Variants in RBMS3 observed in about 807,000 individuals in gnomAD.
The protein encoded by RBMS3 is RNA binding motif single stranded interacting protein 3, also known as RNA-binding motif, single-stranded-interacting protein 3.
RBMS3 carries 27 observed loss-of-function variants against 66.8 expected under a neutral mutation model. The ratio of observed to expected loss-of-function variants is 0.40; its 90% CI spans 0.30 to 0.56. RBMS3 has a LOEUF of 0.56. Ranked by LOEUF, RBMS3 falls within the 20% of genes least tolerant of loss-of-function variation. The pLI, the probability that RBMS3 is intolerant of heterozygous loss-of-function variation, is 0.40. For synonymous variants in RBMS3, 188 were observed against 183.0 expected (o/e 1.03, Z -0.22); for missense variants, 513 against 549.5 (o/e 0.93, Z 0.66).
chr3:29,990,863 C>T (rs1012395261), intron 13 of RBMS3, among the ~76,000 whole-genome samples: 14 of 152,146 alleles, frequency 9.2e-5, no homozygotes, highest in African/African-American at 3.1e-4. Flanking sequence ...ACTACTCCAA[C>T]AACTTCTAAT....
At chr3:29,744,780 T>C (rs2054807229) in intron 5 of RBMS3, among the ~76,000 whole-genome samples, 1 of 114,838 alleles carries the variant, frequency 8.7e-6, no homozygotes, top group Admixed American at 8.3e-5. Context: ...TAAGACTCCG[T>C]CTCGGAAAAA....
chr3:29,709,660 C>T lies in RBMS3; in HGVS notation c.400-30060C>T, dbSNP rs2053070199. On this transcript the variant is annotated intron_variant, in intron 4 of 14. Transcript: ENST00000383767. The stretch of plus-strand genomic sequence containing the variant: ...GGAGGGCAGTGGTGTCCAATATAAA[C>T]AAAAACAATGATTTATCCAGAATCT... 2.0e-5 allele frequency among the ~76,000 whole-genome samples: 3 copies of T among 152,144 alleles called. No homozygotes were observed. The South Asian group carries it at 6.2e-4, about 32-fold the overall frequency.
intron 1 of RBMS3, among the ~76,000 whole-genome samples, chr3:29,294,933 A>G (rs2033120482): frequency 6.6e-6 from 1 of 151,706 alleles, no homozygotes; most frequent in South Asian, 2.1e-4. Flanking sequence ...AGAATTTTGA[A>G]AAGACTTCAA....
Position 29,752,019 on chromosome 3 carries a change from T to A in RBMS3, c.558-10891T>A, listed in dbSNP as rs1053486655. Among the ~76,000 whole-genome samples the A allele has an allele frequency of 5.3e-5, 8 of 152,176 alleles. 1 individual carries two copies. Among genetic ancestry groups the A allele is most frequent in the Admixed American group, 3.9e-4 (6 of 15,278 alleles). The stretch of plus-strand genomic sequence containing the variant: ...GTTTAACAGCTCAATGGGGAGTTAG[T>A]GTGACAGCCTCTTCCCCCTCACCTC... On this transcript the variant is annotated intron_variant, in intron 5 of 14. Coordinates refer to ENST00000383767, the MANE Select transcript of RBMS3 (RefSeq NM_001003793.3).
At chr3:29,705,267 G>T (rs2052830792) in intron 4 of RBMS3, among the ~76,000 whole-genome samples, 1 of 152,136 alleles carries the variant, frequency 6.6e-6, no homozygotes, top group Admixed American at 6.5e-5. Flanking sequence ...TAACTTTTAT[G>T]CAGAAAAATG....
chr3:29,845,280 A>G (rs1202768301), intron 6 of RBMS3, among the ~76,000 whole-genome samples: 1 of 152,220 alleles, frequency 6.6e-6, no homozygotes, highest in Non-Finnish European at 1.5e-5. Context: ...GTCTGCCACT[A>G]ACTCCATGAC....
chr3:29,413,800 AAAGTTAT>A (rs2040372255), intron 1 of RBMS3, among the ~76,000 whole-genome samples: 1 of 152,220 alleles, frequency 6.6e-6, no homozygotes, highest in Non-Finnish European at 1.5e-5. Flanking sequence ...ATGTTGTATC[AAAGTTAT>A]AAATAACTGA....
intron 10 of RBMS3, chr3:29,934,102 A>G (rs876051): frequency 6.6e-6 from 1 of 152,066 alleles, no homozygotes; most frequent in African/African-American, 2.4e-5. Flanking sequence ...TTTGGTTTTT[A>G]TCTCTGATTT....
At chr3:29,398,897 GT>G (rs1435840321) in intron 1 of RBMS3, among the ~76,000 whole-genome samples, 1 of 152,152 alleles carries the variant, frequency 6.6e-6, no homozygotes, top group African/African-American at 2.4e-5. Context: ...AGGACGATTG[GT>G]TTTGTTTTTA....
chr3:29,982,483 C>A (rs1353605565), intron 12 of RBMS3, among the ~76,000 whole-genome samples: 1 of 152,022 alleles, frequency 6.6e-6, no homozygotes. Flanking sequence ...GCTCTTGCTT[C>A]TCTAGTTCTT....
At chr3:29,754,338 A>G (rs988677011) in intron 5 of RBMS3, among the ~76,000 whole-genome samples, 4 of 152,238 alleles carry the variant, frequency 2.6e-5, no homozygotes, top group Admixed American at 2.0e-4. Flanking sequence ...CAATCAGCAG[A>G]GACTCTAGAG....
chr3:29,827,294 T>G (rs545752589), intron 6 of RBMS3, among the ~76,000 whole-genome samples: 1 of 152,312 alleles, frequency 6.6e-6, no homozygotes, highest in South Asian at 2.1e-4. Flanking sequence ...GAAATAATTT[T>G]CAGCAAAGAC....
intron 2 of RBMS3, among the ~76,000 whole-genome samples, chr3:29,456,883 T>C (rs2042209726): frequency 6.6e-6 from 1 of 152,144 alleles, no homozygotes; most frequent in South Asian, 2.1e-4. Flanking sequence ...TATAACTAAC[T>C]TTTACACAAG....
chr3:29,879,848 C>T (rs1052846075), intron 7 of RBMS3, among the ~76,000 whole-genome samples: 1 of 151,930 alleles, frequency 6.6e-6, no homozygotes, highest in African/African-American at 2.4e-5. Context: ...TTGTTACAGT[C>T]AATGATTCTC....
chr3:29,942,321 C>A (rs2061411046), intron 11 of RBMS3, among the ~76,000 whole-genome samples: 1 of 151,566 alleles, frequency 6.6e-6, no homozygotes, highest in South Asian at 2.1e-4. Context: ...GAGTTGGAGA[C>A]CAGCCTAGAT....
chr3:29,538,977 A>G (rs1007234807), intron 3 of RBMS3, among the ~76,000 whole-genome samples: 1 of 152,224 alleles, frequency 6.6e-6, no homozygotes, highest in Non-Finnish European at 1.5e-5. Flanking sequence ...TAAAGATGAA[A>G]TAACCCCATT....
chr3:29,654,503 G>GAAT (rs2050252276), intron 4 of RBMS3, among the ~76,000 whole-genome samples: 2 of 147,918 alleles, frequency 1.4e-5, no homozygotes, highest in South Asian at 4.4e-4. Flanking sequence ...AGAGAAGCCA[G>GAAT]AATACATGAA....
At chr3:29,931,771 C>T (rs542607403) in intron 10 of RBMS3, among the ~76,000 whole-genome samples, 5 of 152,286 alleles carry the variant, frequency 3.3e-5, no homozygotes, top group African/African-American at 1.2e-4. Context: ...CCTCAAGCTA[C>T]CTTCATGCCA....
Position 29,739,611 on chromosome 3 carries a change from G to A in RBMS3, c.400-109G>A, listed in dbSNP as rs112171306. 3.5e-5 allele frequency: 36 copies of A among 1,034,458 alleles called. No homozygotes were observed. The African/African-American group carries it at 4.0e-4, about 12-fold the overall frequency. The allele number at this position is 1,034,458 out of a possible 1,614,324, so 64.1% of individuals were successfully genotyped here. ...GCCCCTAGTGAAAGCACTTTCAAGA[G>A]CATTTTGGAGATTATTATCTAGATT... On this transcript the variant is annotated intron_variant, in intron 4 of 14. Coordinates refer to ENST00000383767, the MANE Select transcript of RBMS3 (RefSeq NM_001003793.3).
Sources: allele counts gnomAD v4.1 joint callset (sites outside exome capture counted in the v4.1 genomes callset), GRCh38; gene constraint gnomAD v4.1.1; transcripts MANE v1.5; gene names NCBI Gene and HGNC (gene_info 2026-07-23, HGNC 2026-07-21).